GALNT16: variants seen among roughly 807,000 people sequenced by gnomAD.
GALNT16 encodes the protein polypeptide N-acetylgalactosaminyltransferase 16, also known as UDP-GalNAc:polypeptide N-acetylgalactosaminyltransferase-like protein 1.
GALNT16 carries 40 observed loss-of-function variants against 76.1 expected under a neutral mutation model. That is an observed-to-expected ratio of 0.53 (90% CI 0.41 to 0.68). The LOEUF is 0.68. Ranked by LOEUF, GALNT16 falls within the 30% of genes least tolerant of loss-of-function variation. The pLI, the probability that GALNT16 is intolerant of heterozygous loss-of-function variation, is 0.00. For synonymous variants in GALNT16, 276 were observed against 285.2 expected (o/e 0.97, Z 0.32); for missense variants, 621 against 731.9 (o/e 0.85, Z 1.75).
intron 12 of GALNT16, among the ~76,000 whole-genome samples, chr14:69,343,216 A>C (rs578259710): frequency 6.6e-6 from 1 of 152,320 alleles, no homozygotes; most frequent in African/African-American, 2.4e-5. Context: ...GGATGCTGCC[A>C]TGGCTTTCCA....
chr14:69,317,410 C>T (rs149265403), intron 1 of GALNT16, among the ~76,000 whole-genome samples: 1 of 152,240 alleles, frequency 6.6e-6, no homozygotes, highest in Admixed American at 6.5e-5. Flanking sequence ...TTGGGGTTGG[C>T]GGTTTCTTCT....
the GALNT16 span, among the ~76,000 whole-genome samples, chr14:69,375,397 A>G: frequency 6.6e-6 from 1 of 152,194 alleles, no homozygotes; most frequent in Non-Finnish European, 1.5e-5. Flanking sequence ...ATTTAATGAA[A>G]TTATTAATGA....
chr14:69,279,898 C>T (rs8005369), intron 1 of GALNT16, among the ~76,000 whole-genome samples: 10,957 of 152,302 alleles, frequency 0.072, 412 homozygotes, highest in Middle Eastern at 0.1. Context: ...GAAGCTGGTA[C>T]TTATTCTGTT....
At chr14:69,323,145 C>T (rs1416432213) in intron 2 of GALNT16, among the ~76,000 whole-genome samples, 1 of 152,170 alleles carries the variant, frequency 6.6e-6, no homozygotes, top group African/African-American at 2.4e-5. Context: ...TTGTCAGGTT[C>T]ATTTCTGGTC....
chr14:69,383,893 A>G, the GALNT16 span, among the ~76,000 whole-genome samples: 2 of 152,202 alleles, frequency 1.3e-5, no homozygotes, highest in Admixed American at 6.5e-5. Context: ...CATGCCTGTA[A>G]TATCACTCCT....
intron 3 of GALNT16, among the ~76,000 whole-genome samples, chr14:69,325,095 C>T (rs2045261927): frequency 6.6e-6 from 1 of 152,202 alleles, no homozygotes; most frequent in Non-Finnish European, 1.5e-5. Flanking sequence ...CAGTGTCTGT[C>T]AGTGTCAGAG....
At chr14:69,359,983 T>C (rs4899294), downstream of GALNT16, among the ~76,000 whole-genome samples, 67,159 of 150,574 alleles carry the variant, frequency 0.45, 15,083 homozygotes, top group Middle Eastern at 0.6. Flanking sequence ...CGAGATTGTG[T>C]CATTGCACTC....
Position 69,328,538 on chromosome 14 carries a change from G to T in GALNT16, c.657G>T (p.Glu219Asp). The T allele has an allele frequency of 6.2e-7, 1 of 1,613,856 alleles. No homozygotes were observed. Among genetic ancestry groups the T allele is most frequent in the Non-Finnish European group, 8.5e-7 (1 of 1,179,998 alleles). The part of the protein sequence containing the change: ...FLDSHCEVNT[E>D]WLPPMLQRVK... ...ATAGCCACTGCGAAGTGAACACCGA[G>T]TGGCTGCCGCCCATGCTGCAGCGGG... The change falls in exon 6 of 15, where the codon GAG (glutamate) becomes GAT (aspartate). Residue 219 changes from glutamate to aspartate, a missense_variant. Glu to Asp is a conservative substitution (Grantham distance 45, BLOSUM62 2). Coordinates refer to ENST00000448469, the MANE Select transcript of GALNT16 (RefSeq NM_001168368.2).
chr14:69,312,579 G>A (rs972643150), intron 1 of GALNT16, among the ~76,000 whole-genome samples: 10 of 152,234 alleles, frequency 6.6e-5, no homozygotes, highest in Admixed American at 4.6e-4. Flanking sequence ...GGGTCATCAG[G>A]ACCTTGAGGG....
At chr14:69,287,554 G>C (rs1349432976) in intron 1 of GALNT16, among the ~76,000 whole-genome samples, 1 of 152,198 alleles carries the variant, frequency 6.6e-6, no homozygotes, top group Non-Finnish European at 1.5e-5. Flanking sequence ...GTGGGAGGGG[G>C]TACCTGCTCC....
chr14:69,335,713 G>A (rs948726415), intron 9 of GALNT16, among the ~76,000 whole-genome samples: 1 of 152,202 alleles, frequency 6.6e-6, no homozygotes, highest in African/African-American at 2.4e-5. Flanking sequence ...GTGCTCAGAC[G>A]TTCAGCCGCT....
chr14:69,279,817 G>A (rs993700373), intron 1 of GALNT16, among the ~76,000 whole-genome samples: 1 of 152,184 alleles, frequency 6.6e-6, no homozygotes, highest in Admixed American at 6.5e-5. Context: ...TGGGATTGTA[G>A]CCTGAATGGA....
chr14:69,380,286 C>T, the GALNT16 span: 2 of 354,316 alleles, frequency 5.6e-6, no homozygotes, highest in African/African-American at 2.2e-5. Flanking sequence ...CATTAAGTGA[C>T]GAAGAACAAC....
intron 12 of GALNT16, among the ~76,000 whole-genome samples, chr14:69,345,178 C>A (rs1391247827): frequency 6.6e-6 from 1 of 152,184 alleles, no homozygotes; most frequent in Admixed American, 6.5e-5. Flanking sequence ...ACCTTAAAAT[C>A]ATTCAATATT....
In GALNT16 at chr14:69,261,143, C is replaced by A. The variant is rs1042683900; in HGVS notation, c.177+676C>A. Among the ~76,000 whole-genome samples the A allele has an allele frequency of 6.6e-6, 1 of 152,132 alleles. No homozygotes were observed. Among genetic ancestry groups the A allele is most frequent in the Non-Finnish European group, 1.5e-5 (1 of 68,024 alleles). The stretch of plus-strand genomic sequence containing the variant: ...GGGCAGTGTCAGCGCCCGAACTTGG[C>A]GATACCCTTGCATGAAGTCAGCCTC... On this transcript the variant is annotated intron_variant, in intron 1 of 14. Coordinates refer to ENST00000448469, the MANE Select transcript of GALNT16 (RefSeq NM_001168368.2). The surrounding 1 kb of genome is among the most constrained non-coding windows in gnomAD (Gnocchi z 6.4).
chr14:69,284,137 C>A (rs931552301), intron 1 of GALNT16, among the ~76,000 whole-genome samples: 2 of 152,180 alleles, frequency 1.3e-5, no homozygotes, highest in Non-Finnish European at 2.9e-5. Flanking sequence ...CTTCTCAGGG[C>A]TGGACCTCCT....
At chr14:69,306,905 G>A (rs1426437581) in intron 1 of GALNT16, among the ~76,000 whole-genome samples, 2 of 152,172 alleles carry the variant, frequency 1.3e-5, no homozygotes, top group African/African-American at 4.8e-5. Flanking sequence ...ATTTAATGCA[G>A]TATTCAAAGA....
At chr14:69,378,397 C>T in the GALNT16 span, among the ~76,000 whole-genome samples, 8 of 152,226 alleles carry the variant, frequency 5.3e-5, no homozygotes, top group East Asian at 3.9e-4. Flanking sequence ...ACTTAATAAG[C>T]GGAAATCAAA....
At chr14:69,384,679 CAAT>C in the GALNT16 span, among the ~76,000 whole-genome samples, 1 of 151,718 alleles carries the variant, frequency 6.6e-6, no homozygotes, top group Non-Finnish European at 1.5e-5. Context: ...AGAAAATTAT[CAAT>C]AATTTTAGAA....
Sources: allele counts gnomAD v4.1 joint callset (sites outside exome capture counted in the v4.1 genomes callset), GRCh38; gene constraint gnomAD v4.1.1; non-coding constraint Gnocchi (gnomAD v3.1); transcripts MANE v1.5; gene names NCBI Gene and HGNC (gene_info 2026-07-23, HGNC 2026-07-21).